STK32B: variants seen among roughly 807,000 people sequenced by gnomAD.
The protein encoded by STK32B is serine/threonine kinase 32B.
In STK32B, 43 loss-of-function variants were observed where a neutral mutation model predicts 52.6. The observed-to-expected ratio is 0.82, with a 90% CI of 0.64 to 1.05. The LOEUF is 1.05. STK32B is among the 50% of genes least tolerant of loss of function. The pLI is 0.00. For synonymous variants in STK32B, 238 were observed against 204.3 expected (o/e 1.17, Z -1.41); for missense variants, 621 against 534.6 (o/e 1.16, Z -1.59).
chr4:5,316,332 CAATAT>C lies in STK32B; in HGVS notation c.261-14881_261-14877del, dbSNP rs1486033785. Among the ~76,000 whole-genome samples the C allele has an allele frequency of 1.7e-4, 5 of 28,938 alleles. 1 individual carries two copies. Among genetic ancestry groups the C allele is most frequent in the Admixed American group, 1.1e-3 (2 of 1,748 alleles). 19.0% of individuals were successfully genotyped at this position (28,938 alleles called of 152,430 possible). ...TATATTGTATATTATATATTATATACAATATAATATATTATATCATATATTATATA... is the reference window on the plus strand; with the variant it reads ...TATATTGTATATTATATATTATATACAATATATTATATCATATATTATATA... On this transcript the variant is annotated intron_variant, in intron 3 of 11. Coordinates refer to ENST00000282908, the MANE Select transcript of STK32B (RefSeq NM_018401.3).
At chr4:5,123,530 T>C (rs1246544362) in intron 1 of STK32B, among the ~76,000 whole-genome samples, 1 of 152,156 alleles carries the variant, frequency 6.6e-6, no homozygotes, top group Non-Finnish European at 1.5e-5. Flanking sequence ...TTTCTTGTAG[T>C]TCTGGAGGCA....
intron 1 of STK32B, among the ~76,000 whole-genome samples, chr4:5,063,517 AT>A (rs1158729967): frequency 1.3e-5 from 2 of 151,840 alleles, no homozygotes; most frequent in Non-Finnish European, 2.9e-5. Flanking sequence ...TAATTTTTGT[AT>A]TTTTAGTAGA....
intron 3 of STK32B, among the ~76,000 whole-genome samples, chr4:5,170,703 C>T (rs1312422119): frequency 6.6e-6 from 1 of 152,160 alleles, no homozygotes; most frequent in African/African-American, 2.4e-5. Flanking sequence ...TTAATCCAGT[C>T]TATCATTGTT....
chr4:5,025,111 G>C, the STK32B span, among the ~76,000 whole-genome samples: 40 of 147,908 alleles, frequency 2.7e-4, no homozygotes, highest in African/African-American at 1.0e-3. Context: ...GAGTATGGGA[G>C]GGGGGAATCC....
Position 5,331,309 on chromosome 4 carries a change from A to C in STK32B, c.350A>C (p.His117Pro). ...DLRYHLQQNV[H>P]FTEGTVKLYI... ...CGCTACCATCTGCAGCAGAATGTGC[A>C]TTTCACAGAGGGGACTGTGAAACTC... is the stretch of plus-strand genomic sequence containing the variant. The change falls in exon 4 of 12, where the codon CAT becomes CCT. Residue 117 changes from histidine (H) to proline (P), a missense_variant. Coordinates refer to ENST00000282908, the MANE Select transcript of STK32B (RefSeq NM_018401.3). 1 of 1,613,964 alleles carries C rather than the reference A, an allele frequency of 6.2e-7. No individual in the cohort carries two copies. The highest frequency in any genetic ancestry group is 8.5e-7 in the Non-Finnish European group (1 of 1,179,930).
intron 3 of STK32B, among the ~76,000 whole-genome samples, chr4:5,256,317 T>A (rs1204730085): frequency 6.6e-6 from 1 of 152,206 alleles, no homozygotes; most frequent in Admixed American, 6.5e-5. Flanking sequence ...AATTTTATCA[T>A]AGACTAAAAA....
chr4:5,132,649 C>CTG (rs34936627), intron 1 of STK32B, among the ~76,000 whole-genome samples: 16,408 of 152,066 alleles, frequency 0.11, 1,133 homozygotes, highest in Admixed American at 0.24. Context: ...CACAGTCCTG[C>CTG]TGACAGCAGG....
chr4:5,350,937 A>T (rs1167024166), intron 4 of STK32B, among the ~76,000 whole-genome samples: 1 of 152,096 alleles, frequency 6.6e-6, no homozygotes, highest in African/African-American at 2.4e-5. Flanking sequence ...ACATATATGC[A>T]CCCAATGGTG....
At chr4:5,222,206 A>G (rs1182183948) in intron 3 of STK32B, among the ~76,000 whole-genome samples, 1 of 152,182 alleles carries the variant, frequency 6.6e-6, no homozygotes, top group Non-Finnish European at 1.5e-5. Context: ...ATATTTTTTT[A>G]CAGCAGCACA....
At chr4:5,317,302 AAT>A (rs1731107810) in intron 3 of STK32B, among the ~76,000 whole-genome samples, 2 of 39,672 alleles carry the variant, frequency 5.0e-5, no homozygotes, top group African/African-American at 2.4e-4. Flanking sequence ...TATAATATAT[AAT>A]ATATAACATA....
intron 3 of STK32B, among the ~76,000 whole-genome samples, chr4:5,174,203 G>A (rs913529125): frequency 7.2e-5 from 11 of 152,084 alleles, no homozygotes; most frequent in Admixed American, 2.0e-4. Flanking sequence ...GTCTCTGCAT[G>A]TGAGATGGGT....
chr4:5,040,418 G>A, the STK32B span, among the ~76,000 whole-genome samples: 6 of 127,888 alleles, frequency 4.7e-5, no homozygotes, highest in Non-Finnish European at 6.3e-5. Flanking sequence ...TTTTTGAGAC[G>A]AAGTCTCGCT....
chr4:5,247,401 C>T (rs1032185359), intron 3 of STK32B, among the ~76,000 whole-genome samples: 3 of 152,314 alleles, frequency 2.0e-5, no homozygotes, highest in South Asian at 2.1e-4. Flanking sequence ...CCTGGTGTAC[C>T]GTTTGTTAAG....
intron 1 of STK32B, among the ~76,000 whole-genome samples, chr4:5,126,162 G>C (rs530838874): frequency 1.5e-4 from 23 of 152,288 alleles, no homozygotes; most frequent in African/African-American, 5.3e-4. Context: ...TACAGAGAAG[G>C]CCTTACTATT....
chr4:5,162,495 TC>T (rs1718525788), intron 2 of STK32B, among the ~76,000 whole-genome samples: 1 of 152,210 alleles, frequency 6.6e-6, no homozygotes, highest in African/African-American at 2.4e-5. Context: ...CAGGATCCAT[TC>T]CCAAATTTCT....
chr4:5,233,563 A>C (rs1724421084), intron 3 of STK32B, among the ~76,000 whole-genome samples: 1 of 152,010 alleles, frequency 6.6e-6, no homozygotes, highest in Non-Finnish European at 1.5e-5. Context: ...AAGAGTTCAA[A>C]TTTAATATTT....
intron 3 of STK32B, among the ~76,000 whole-genome samples, chr4:5,244,518 A>C (rs1577236887): frequency 7.8e-6 from 1 of 128,362 alleles, no homozygotes; most frequent in African/African-American, 3.6e-5. Context: ...TGATCTTTTG[A>C]AAAAACTAGC....
At chr4:5,254,850 T>G (rs572567378) in intron 3 of STK32B, among the ~76,000 whole-genome samples, 26 of 152,226 alleles carry the variant, frequency 1.7e-4, no homozygotes, top group African/African-American at 6.3e-4. Flanking sequence ...AAATAAAGGA[T>G]GAGACTCATG....
chr4:5,330,249 ATAT>A (rs1455957899), intron 3 of STK32B, among the ~76,000 whole-genome samples: 2 of 152,200 alleles, frequency 1.3e-5, no homozygotes, highest in Admixed American at 1.3e-4. Context: ...TCTGTGATTA[ATAT>A]TACATGATTC....
Sources: gnomAD v4.1 joint callset for allele counts (sites outside exome capture counted in the v4.1 genomes callset) on GRCh38, gnomAD v4.1.1 for gene constraint, MANE v1.5 for transcripts, NCBI Gene and HGNC (gene_info 2026-07-23, HGNC 2026-07-21) for gene names.